LEO1: variants seen among roughly 807,000 people sequenced by gnomAD.
LEO1 encodes the protein LEO1 component of Paf1/RNA polymerase II complex, also known as RNA polymerase-associated protein LEO1.
A neutral mutation model predicts 80.4 loss-of-function variants in LEO1; 34 were observed. The observed-to-expected ratio is 0.42, with a 90% CI of 0.32 to 0.56. LEO1 has a LOEUF of 0.56. Ranked by LOEUF, LEO1 falls within the 20% of genes least tolerant of loss-of-function variation. The probability of loss-of-function intolerance (pLI) is 0.10; values close to 1 mark genes in which losing one functional copy is unlikely to be tolerated. For missense variants in LEO1, 631 were observed against 814.2 expected, an observed-to-expected ratio of 0.77 and a Z score of 2.74; for synonymous variants, 262 against 274.9, an observed-to-expected ratio of 0.95 and a Z score of 0.46.
intron 6 of LEO1, 118 bp downstream of exon 6, chr15:51,958,624 C>T: frequency 1.5e-6 from 1 of 649,738 alleles, no homozygotes; most frequent in Non-Finnish European, 2.7e-6. Flanking sequence ...ATCAAAAGAA[C>T]ACAGCCATAT....
At chr15:51,947,567 T>C (rs1208908612) in intron 10 of LEO1, among the ~76,000 whole-genome samples, 178 bp from the exon 11 acceptor site, 1 of 152,064 alleles carries the variant, frequency 6.6e-6, no homozygotes, top group Non-Finnish European at 1.5e-5. Flanking sequence ...AGGTGTGCAC[T>C]ACCTACCCAT....
At chr15:51,950,504 G>C (rs185512901) in intron 9 of LEO1, among the ~76,000 whole-genome samples, 107 of 152,294 alleles carry the variant, frequency 7.0e-4, no homozygotes, top group African/African-American at 2.5e-3. Context: ...ACAGGTTGGG[G>C]AGCGTCCTAG....
chr15:51,938,100 T>A lies in LEO1; in HGVS notation c.*56A>T. The A allele has an allele frequency of 3.6e-6, 3 of 841,738 alleles. No individual in the cohort carries two copies. Among genetic ancestry groups the A allele is most frequent in the Non-Finnish European group, 3.7e-6 (2 of 539,636 alleles). 52.1% of individuals were successfully genotyped at this position (841,738 alleles called of 1,614,324 possible). A position where few individuals can be genotyped will look rare whatever the true frequency, so the allele number is the denominator to read the frequency against. ...TTCATTTCAATCAAAATAACTCATG[T>A]TTACATATTTATAACTGTACAATAA... On this transcript the variant is annotated 3_prime_UTR_variant, in exon 12 of 12. Transcript: ENST00000299601.
chr15:51,946,555 ATTTTC>A (rs1010943138), intron 11 of LEO1, among the ~76,000 whole-genome samples: 5 of 150,424 alleles, frequency 3.3e-5, no homozygotes, highest in African/African-American at 1.2e-4. Flanking sequence ...GAATGAAATC[ATTTTC>A]TTTTTTTTTT....
intron 5 of LEO1, 102 bp downstream of exon 5, chr15:51,959,797 T>A: frequency 9.0e-7 from 1 of 1,114,244 alleles, no homozygotes. Flanking sequence ...CACGATCAAT[T>A]TTCCGTTTTT....
chr15:51,951,489 A>G (rs569334399), intron 9 of LEO1, among the ~76,000 whole-genome samples: 1 of 152,274 alleles, frequency 6.6e-6, no homozygotes, highest in Admixed American at 6.5e-5. Context: ...TCTATTCTCT[A>G]TTTTACACTA....
intron 1 of LEO1, among the ~76,000 whole-genome samples, chr15:51,967,015 A>C (rs2057083327): frequency 6.6e-6 from 1 of 152,186 alleles, no homozygotes; most frequent in East Asian, 1.9e-4. Context: ...AGAATCAGTA[A>C]ACTTGAAGAT....
At chr15:51,958,076 G>A (rs1309334422) in intron 6 of LEO1, among the ~76,000 whole-genome samples, 1 of 151,984 alleles carries the variant, frequency 6.6e-6, no homozygotes, top group Non-Finnish European at 1.5e-5. Flanking sequence ...GAAATCCTTC[G>A]GATTTAAGAA....
intron 6 of LEO1, 188 bp from the exon 7 acceptor site, chr15:51,954,763 A>G (rs1280767009): frequency 2.2e-5 from 12 of 547,230 alleles, no homozygotes; most frequent in East Asian, 3.1e-5. Flanking sequence ...AAAAGCAGGG[A>G]AAAAAATATG....
At chr15:51,969,765 C>T (rs963212991) in intron 1 of LEO1, among the ~76,000 whole-genome samples, 2 of 150,592 alleles carry the variant, frequency 1.3e-5, no homozygotes, top group African/African-American at 4.9e-5. Flanking sequence ...TTGCTTGAAC[C>T]CGGAGGCGGA....
chr15:51,963,443 G>A (rs987059863), intron 2 of LEO1, among the ~76,000 whole-genome samples: 4 of 152,210 alleles, frequency 2.6e-5, no homozygotes, highest in East Asian at 1.9e-4. Context: ...AATTATTTAC[G>A]TAAAAATGTC....
intron 11 of LEO1, among the ~76,000 whole-genome samples, chr15:51,940,374 C>G (rs2056840077): frequency 1.4e-5 from 2 of 148,084 alleles, no homozygotes; most frequent in Admixed American, 6.8e-5. Flanking sequence ...GCCCAGCCAA[C>G]ATGGTGAAAC....
intron 11 of LEO1, among the ~76,000 whole-genome samples, chr15:51,941,441 A>G (rs1397707844): frequency 6.6e-6 from 1 of 152,176 alleles, no homozygotes; most frequent in Non-Finnish European, 1.5e-5. Context: ...AGCTGGAGAA[A>G]GAGACACAGA....
At chr15:51,968,305 GC>G (rs1240098081) in intron 1 of LEO1, among the ~76,000 whole-genome samples, 1 of 151,320 alleles carries the variant, frequency 6.6e-6, no homozygotes, top group African/African-American at 2.4e-5. Context: ...CACTCTAGGA[GC>G]CCAAGGTGGG....
chr15:51,965,124 T>C (rs2057064680), intron 2 of LEO1, among the ~76,000 whole-genome samples: 1 of 152,172 alleles, frequency 6.6e-6, no homozygotes, highest in Non-Finnish European at 1.5e-5. Flanking sequence ...ATTATTATAA[T>C]TTGCCATCCA....
At chr15:51,946,020 C>T (rs113923927) in intron 11 of LEO1, among the ~76,000 whole-genome samples, 2,330 of 151,036 alleles carry the variant, frequency 0.015, 65 homozygotes, top group East Asian at 0.075. Flanking sequence ...GGCAACAGAG[C>T]GAGACTCTGT....
At chr15:51,955,641 G>T (rs2056983249) in intron 6 of LEO1, among the ~76,000 whole-genome samples, 1 of 152,198 alleles carries the variant, frequency 6.6e-6, no homozygotes. Flanking sequence ...ACAGACAGAA[G>T]CCAACAATGT....
intron 10 of LEO1, among the ~76,000 whole-genome samples, chr15:51,948,208 G>A (rs1189865263): frequency 6.6e-6 from 1 of 152,046 alleles, no homozygotes; most frequent in Non-Finnish European, 1.5e-5. Context: ...AGCCCCTCCC[G>A]TCAAAACCCA....
At chr15:51,967,539 A>G (rs1366590540) in intron 1 of LEO1, among the ~76,000 whole-genome samples, 2 of 152,382 alleles carry the variant, frequency 1.3e-5, no homozygotes, top group South Asian at 2.1e-4. Context: ...TACACATCCA[A>G]CAAGTTCAAC....
Sources: gnomAD v4.1 joint callset for allele counts (sites outside exome capture counted in the v4.1 genomes callset) on GRCh38, gnomAD v4.1.1 for gene constraint, MANE v1.5 for transcripts, NCBI Gene and HGNC (gene_info 2026-07-23, HGNC 2026-07-21) for gene names.